Variants in PLCL1 observed in about 807,000 individuals in gnomAD.
The protein encoded by PLCL1 is inactive phospholipase C-like protein 1.
A neutral mutation model predicts 84.4 loss-of-function variants in PLCL1; 41 were observed. The observed-to-expected ratio is 0.49, with a 90% CI of 0.38 to 0.63. The LOEUF (loss-of-function observed/expected upper bound fraction) is 0.63. Ranked by LOEUF, PLCL1 falls within the 30% of genes least tolerant of loss-of-function variation. The pLI, the probability that PLCL1 is intolerant of heterozygous loss-of-function variation, is 0.00. For missense variants in PLCL1, 1,206 were observed against 1,367.8 expected (o/e 0.88, Z 1.87); for synonymous variants, 490 against 488.3 (o/e 1.00, Z -0.05).
chr2:198,022,348 G>A (rs1691155953), intron 1 of PLCL1, among the ~76,000 whole-genome samples: 1 of 152,122 alleles, frequency 6.6e-6, no homozygotes. Context: ...CACAAGACAA[G>A]GATGCCCTCT....
intron 3 of PLCL1, among the ~76,000 whole-genome samples, chr2:198,091,450 C>T (rs1397107467): frequency 2.0e-5 from 3 of 151,826 alleles, no homozygotes; most frequent in South Asian, 2.1e-4. Flanking sequence ...GAGGCCGAGG[C>T]GGGTGGATCA....
chr2:198,062,830 G>C (rs922466270), intron 1 of PLCL1, among the ~76,000 whole-genome samples: 4 of 152,216 alleles, frequency 2.6e-5, no homozygotes, highest in Non-Finnish European at 5.9e-5. Flanking sequence ...GCTATCTCAG[G>C]TGATTCTTAT....
intron 1 of PLCL1, among the ~76,000 whole-genome samples, chr2:198,021,449 T>A (rs1340028052): frequency 6.6e-6 from 1 of 152,078 alleles, no homozygotes; most frequent in African/African-American, 2.4e-5. Context: ...AAAAAATCAA[T>A]GAATCCAGGA....
chr2:198,048,333 A>G (rs1210472637), intron 1 of PLCL1, among the ~76,000 whole-genome samples: 1 of 152,204 alleles, frequency 6.6e-6, no homozygotes, highest in Non-Finnish European at 1.5e-5. Context: ...GATACCTTTT[A>G]TGTGTTCTCA....
In PLCL1 at chr2:197,810,307, G is replaced by A. The variant is rs1013135781; in HGVS notation, c.240+4968G>A. On this transcript the variant is annotated intron_variant, in intron 1 of 5. Transcript: ENST00000428675. ...TTCTTATAGCACCTCTCAAGAAAAT[G>A]AAGAATAAACTTCAGGTAAAGAGCT... The A allele has an allele frequency of 2.4e-6, 3 of 1,265,296 alleles. No individual in the cohort carries two copies. The African/African-American group carries it at 4.6e-5, about 19-fold the overall frequency. 78.4% of individuals were successfully genotyped at this position (1,265,296 alleles called of 1,614,324 possible).
chr2:197,825,017 G>T (rs1442773240), intron 1 of PLCL1, among the ~76,000 whole-genome samples: 1 of 152,018 alleles, frequency 6.6e-6, no homozygotes, highest in East Asian at 1.9e-4. Context: ...TTTTCTGCAG[G>T]TTTTTTGACC....
chr2:197,883,462 T>A (rs1353626934), intron 1 of PLCL1, among the ~76,000 whole-genome samples: 1 of 152,164 alleles, frequency 6.6e-6, no homozygotes, highest in Non-Finnish European at 1.5e-5. Flanking sequence ...TACAATAAAG[T>A]ACTAGTTGGA....
rs528742774 is a variant in PLCL1, at chr2:198,147,459, T to C, written c.*497T>C. 2 of 152,370 alleles carry C rather than the reference T, an allele frequency of 1.3e-5. No homozygotes were observed. The highest frequency in any genetic ancestry group is 2.1e-4 in the South Asian group (1 of 4,820). The allele number at this position is 152,370 out of a possible 1,614,324, so 9.4% of individuals were successfully genotyped here. On this transcript the variant is annotated 3_prime_UTR_variant, in exon 6 of 6. Transcript: ENST00000428675. ...TAGCTTATTATTGAAGGAAGCCAAA[T>C]TTATCAAAGCATAGATGTTTTGGTA...
At chr2:197,833,220 C>T (rs895441526) in intron 1 of PLCL1, among the ~76,000 whole-genome samples, 1 of 152,144 alleles carries the variant, frequency 6.6e-6, no homozygotes, top group Non-Finnish European at 1.5e-5. Flanking sequence ...AACCCATAGC[C>T]AATATCATAC....
intron 1 of PLCL1, among the ~76,000 whole-genome samples, chr2:197,854,158 T>C (rs1227253266): frequency 6.6e-6 from 1 of 152,188 alleles, no homozygotes; most frequent in African/African-American, 2.4e-5. Flanking sequence ...TCCTTGGCCC[T>C]GAGTGCAATT....
chr2:197,945,911 T>A (rs1009583731), intron 1 of PLCL1, among the ~76,000 whole-genome samples: 4 of 152,178 alleles, frequency 2.6e-5, no homozygotes, highest in African/African-American at 9.6e-5. Context: ...AATATATGTA[T>A]ATGTACACAC....
intron 1 of PLCL1, among the ~76,000 whole-genome samples, chr2:198,015,865 A>G (rs1813106): frequency 0.69 from 104,039 of 151,798 alleles, 36,013 homozygotes; most frequent in Middle Eastern, 0.85. Context: ...AACACTTTAT[A>G]GTAAAACAGT....
At chr2:197,927,303 A>G (rs890280182) in intron 1 of PLCL1, among the ~76,000 whole-genome samples, 1 of 152,194 alleles carries the variant, frequency 6.6e-6, no homozygotes, top group Admixed American at 6.5e-5. Flanking sequence ...GCATTCTACC[A>G]TGTCATTTAA....
intron 1 of PLCL1, among the ~76,000 whole-genome samples, chr2:197,989,358 A>G (rs1228455357): frequency 1.3e-5 from 2 of 152,176 alleles, no homozygotes; most frequent in Admixed American, 6.5e-5. Flanking sequence ...TTGGTGGCTT[A>G]GAGAAAGAGA....
rs1280318691 is a variant in PLCL1 at position 198,083,928 on chromosome 2, G to A, written c.411G>A (p.Leu137=). The part of the protein sequence containing the change: ...NSRIYNRFFT[L]DTDLQALRWE... Reference sequence around the variant, plus strand: ...GCATTTACAACCGTTTTTTCACTCTGGACACAGACCTTCAAGCTCTTCGCT... The same window carrying A: ...GCATTTACAACCGTTTTTTCACTCTAGACACAGACCTTCAAGCTCTTCGCT... The change falls in exon 2 of 6, where the codon CTG becomes CTA. Residue 137 remains leucine (L), a synonymous_variant. Coordinates refer to ENST00000428675, the MANE Select transcript of PLCL1 (RefSeq NM_006226.4). 6.2e-7 allele frequency: 1 copy of A among 1,614,046 alleles called. No homozygotes were observed. The highest frequency in any genetic ancestry group is 1.1e-5 in the South Asian group (1 of 91,076).
intron 1 of PLCL1, among the ~76,000 whole-genome samples, chr2:197,928,615 C>A (rs1688876637): frequency 6.6e-6 from 1 of 151,984 alleles, no homozygotes; most frequent in African/African-American, 2.4e-5. Context: ...GGACTGGATC[C>A]CACAATTCTA....
At chr2:198,077,080 C>A (rs56111871) in intron 1 of PLCL1, among the ~76,000 whole-genome samples, 6,862 of 152,210 alleles carry the variant, frequency 0.045, 504 homozygotes, top group African/African-American at 0.16. Flanking sequence ...TCTGCCTCTG[C>A]CTGTTATTCG....
At chr2:198,069,971 GTATACT>G (rs1047475390) in intron 1 of PLCL1, among the ~76,000 whole-genome samples, 9 of 152,142 alleles carry the variant, frequency 5.9e-5, no homozygotes, top group Admixed American at 6.5e-5. Flanking sequence ...GTGAACTAAT[GTATACT>G]TTCTGAAGAT....
At chr2:197,984,948 T>G (rs6756641) in intron 1 of PLCL1, among the ~76,000 whole-genome samples, 31,490 of 151,988 alleles carry the variant, frequency 0.21, 3,333 homozygotes, top group East Asian at 0.27. Context: ...GTTTTTTTTT[T>G]TTTGTTTGTT....
Sources: gnomAD v4.1 joint callset for allele counts (sites outside exome capture counted in the v4.1 genomes callset) on GRCh38, gnomAD v4.1.1 for gene constraint, MANE v1.5 for transcripts, NCBI Gene and HGNC (gene_info 2026-07-23, HGNC 2026-07-21) for gene names.